Variants in PATJ observed in about 807,000 individuals in gnomAD.
PATJ encodes inaD-like protein.
PATJ carries 190 observed loss-of-function variants against 224.9 expected under a neutral mutation model. The observed-to-expected ratio is 0.84, with a 90% CI of 0.75 to 0.95. The LOEUF is 0.95. Ranked by LOEUF, PATJ falls within the 40% of genes least tolerant of loss-of-function variation. The pLI, the probability that PATJ is intolerant of heterozygous loss-of-function variation, is 0.00. For synonymous variants in PATJ, 769 were observed against 820.3 expected, an observed-to-expected ratio of 0.94 and a Z score of 1.07; for missense variants, 2,121 against 2,270.3, an observed-to-expected ratio of 0.93 and a Z score of 1.34.
rs981425440 is a variant in PATJ, at chr1:61,846,155, TATG to T, written c.2113-9871_2113-9869del. The T allele has an allele frequency of 3.3e-5, 5 of 152,326 alleles. No homozygotes were observed. In the East Asian group the frequency reaches 7.7e-4, roughly 23 times the overall value. 9.4% of individuals were successfully genotyped at this position (152,326 alleles called of 1,614,324 possible). A position where few individuals can be genotyped will look rare whatever the true frequency, so the allele number is the denominator to read the frequency against. On this transcript the variant is annotated intron_variant, in intron 17 of 43. Transcript: ENST00000642238. ...ATAATGTTATTATTACTGTGAGAATTATGATGGAAAAGAAGTTATTACTATGAA... is the reference window on the plus strand; with the variant it reads ...ATAATGTTATTATTACTGTGAGAATTATGGAAAAGAAGTTATTACTATGAA...
At chr1:62,158,119 T>C (rs941963928) in intron 43 of PATJ, among the ~76,000 whole-genome samples, 3 of 149,564 alleles carry the variant, frequency 2.0e-5, no homozygotes, top group African/African-American at 7.3e-5. Context: ...TTACGGCATC[T>C]GAGAAGACTA....
intron 27 of PATJ, among the ~76,000 whole-genome samples, chr1:61,937,308 C>T (rs996528541): frequency 2.6e-5 from 4 of 152,126 alleles, no homozygotes; most frequent in Non-Finnish European, 4.4e-5. Context: ...TCCTGGCTCA[C>T]TGCAACCTTG....
Position 61,769,363 on chromosome 1 carries a change from A to G in PATJ, c.465A>G (p.Gln155=). 1 of 1,614,118 alleles carries G rather than the reference A, an allele frequency of 6.2e-7. No homozygotes were observed. ...LGFSVVALRS[Q]NLGKVDIFVK... is the part of the protein sequence containing the mutation. ...TCAGTGTGGTGGCCCTCAGAAGTCA[A>G]AATCTCGGAAAAGTTGATATCTTCG... Residue 155 remains glutamine (Q), a synonymous_variant, in exon 5 of 44, where the codon CAA becomes CAG. Coordinates refer to ENST00000642238, the MANE Select transcript of PATJ (RefSeq NM_001350145.3).
At chr1:61,757,916 A>G (rs959792606) in intron 1 of PATJ, among the ~76,000 whole-genome samples, 4 of 152,080 alleles carry the variant, frequency 2.6e-5, no homozygotes, top group Admixed American at 6.6e-5. Context: ...CCTCCTGAGT[A>G]GCTGGGATTA....
At chr1:61,875,123 T>G in intron 20 of PATJ, 120 bp from the exon 21 acceptor site, 3 of 588,772 alleles carry the variant, frequency 5.1e-6, no homozygotes, top group Non-Finnish European at 6.0e-6. Flanking sequence ...AACCATTACT[T>G]GAGAATGCCT....
At chr1:61,752,080 G>A in intron 1 of PATJ, among the ~76,000 whole-genome samples, 1 of 149,352 alleles carries the variant, frequency 6.7e-6, no homozygotes, top group East Asian at 2.0e-4. Flanking sequence ...AGAGGTTGTG[G>A]TGAGCCAAGA....
intron 1 of PATJ, among the ~76,000 whole-genome samples, chr1:61,748,189 T>G (rs1415139495): frequency 2.7e-5 from 4 of 150,198 alleles, no homozygotes; most frequent in Middle Eastern, 7.1e-3. Flanking sequence ...TGTTTATTCT[T>G]AAGAGGGTTT....
chr1:61,833,564 G>GAGA, intron 16 of PATJ, 90 bp from the exon 17 acceptor site: 1 of 1,272,670 alleles, frequency 7.9e-7, no homozygotes, highest in South Asian at 1.7e-5. Context: ...TTCTCAGTTT[G>GAGA]AGAAGAAGCT....
chr1:62,083,943 A>G (rs1185612586), intron 32 of PATJ, among the ~76,000 whole-genome samples: 1 of 152,172 alleles, frequency 6.6e-6, no homozygotes, highest in Non-Finnish European at 1.5e-5. Flanking sequence ...ACAGATTTTC[A>G]TGATGTATTT....
chr1:61,804,006 T>C (rs1467913167), intron 12 of PATJ, among the ~76,000 whole-genome samples: 1 of 152,138 alleles, frequency 6.6e-6, no homozygotes, highest in Non-Finnish European at 1.5e-5. Context: ...AAAAATATAG[T>C]CAAAAAAATT....
rs986139664 is a variant in PATJ, at chr1:61,824,574, C to T, written c.1818+1495C>T. 7.3e-5 allele frequency among the ~76,000 whole-genome samples: 11 copies of T among 151,694 alleles called. No homozygotes were observed. In the South Asian group the frequency reaches 8.3e-4, roughly 11 times the overall value. On this transcript the variant is annotated intron_variant, in intron 15 of 43. Coordinates refer to ENST00000642238, the MANE Select transcript of PATJ (RefSeq NM_001350145.3). ...CCGAGTAGCTAGGACCATAGCTGTG[C>T]GCCACCATGCCCTGCTAGTTTTAGT...
In PATJ at chr1:61,871,557, ATTTT is replaced by A. The variant is rs71582650; in HGVS notation, c.2836-3666_2836-3663del. The stretch of plus-strand genomic sequence containing the variant: ...TGTGTGTGTATATATATATATATAT[ATTTT>A]TTTTTTTTTTTTTTTTTTTGAGATG... On this transcript the variant is annotated intron_variant, in intron 20 of 43. Coordinates refer to ENST00000642238, the MANE Select transcript of PATJ (RefSeq NM_001350145.3). Among the ~76,000 whole-genome samples the A allele has an allele frequency of 9.8e-3, 540 of 54,954 alleles. 6 individuals are homozygous for A. Among genetic ancestry groups the A allele is most frequent in the Middle Eastern group, 0.018 (1 of 56 alleles). 36.1% of individuals were successfully genotyped at this position (54,954 alleles called of 152,430 possible). A position where few individuals can be genotyped will look rare whatever the true frequency, so the allele number is the denominator to read the frequency against.
intron 30 of PATJ, among the ~76,000 whole-genome samples, chr1:62,046,234 AAGGGAGGG>A (rs576245069): frequency 5.5e-5 from 7 of 128,346 alleles, no homozygotes; most frequent in South Asian, 2.9e-4. Flanking sequence ...GAAAGGAAGG[AAGGGAGGG>A]AGGGAGGGAG....
At chr1:61,868,665 T>C (rs1665778707) in intron 20 of PATJ, among the ~76,000 whole-genome samples, 1 of 152,062 alleles carries the variant, frequency 6.6e-6, no homozygotes, top group Admixed American at 6.6e-5. Context: ...GGTGCATGCC[T>C]GTGGTTCCAG....
intron 42 of PATJ, among the ~76,000 whole-genome samples, chr1:62,153,039 G>GAAA (rs532477880): frequency 5.2e-5 from 7 of 135,604 alleles, no homozygotes; most frequent in African/African-American, 2.0e-4. Flanking sequence ...CTCAAAAAAA[G>GAAA]AAAAAAAAAA....
At chr1:61,895,563 G>A (rs914128676) in intron 22 of PATJ, among the ~76,000 whole-genome samples, 1 of 152,184 alleles carries the variant, frequency 6.6e-6, no homozygotes, top group Non-Finnish European at 1.5e-5. Context: ...TGTGGTGTTG[G>A]GCCTGAGAGT....
intron 22 of PATJ, among the ~76,000 whole-genome samples, chr1:61,894,907 A>G (rs1471378172): frequency 6.6e-6 from 1 of 152,202 alleles, no homozygotes; most frequent in Non-Finnish European, 1.5e-5. Context: ...TGATAGTGAT[A>G]TGGACAATGA....
At chr1:62,053,562 A>C (rs910267724) in intron 31 of PATJ, among the ~76,000 whole-genome samples, 2 of 152,202 alleles carry the variant, frequency 1.3e-5, no homozygotes, top group Non-Finnish European at 2.9e-5. Context: ...TCTACTAAAA[A>C]TACAAAATTA....
chr1:61,763,191 A>G lies in PATJ; in HGVS notation c.189+12A>G, dbSNP rs775323730. 5 of 1,502,426 alleles carry G rather than the reference A, an allele frequency of 3.3e-6. No homozygotes were observed. Among genetic ancestry groups the G allele is most frequent in the South Asian group, 2.6e-5 (2 of 76,300 alleles). The allele number at this position is 1,502,426 out of a possible 1,614,324, so 93.1% of individuals were successfully genotyped here. ...AACTGAAGGGTCAAGTAAGTTACCC[A>G]TCAGAGTTTTACATTAATATATTAT... is the stretch of plus-strand genomic sequence containing the variant. On this transcript the variant is annotated intron_variant, in intron 3 of 43. Transcript: ENST00000642238.
Sources: allele counts gnomAD v4.1 joint callset (sites outside exome capture counted in the v4.1 genomes callset), GRCh38; gene constraint gnomAD v4.1.1; transcripts MANE v1.5; gene names NCBI Gene and HGNC (gene_info 2026-07-23, HGNC 2026-07-21).